The following EP300 variants were observed in gnomAD, a reference collection of about 807,000 sequenced individuals.
The protein encoded by EP300 is EP300 lysine acetyltransferase.
A neutral mutation model predicts 264.0 loss-of-function variants in EP300; 31 were observed. The ratio of observed to expected loss-of-function variants is 0.12; its 90% CI spans 0.09 to 0.16. The LOEUF is 0.16. Among genes scored for constraint, EP300 ranks in the 10% least tolerant of loss-of-function variants. EP300 has a pLI of 1.00. For missense variants in EP300, 2,766 were observed against 3,052.9 expected, an observed-to-expected ratio of 0.91 and a Z score of 2.21; for synonymous variants, 1,340 against 1,045.4, an observed-to-expected ratio of 1.28 and a Z score of -5.44.
In EP300 at chr22:41,092,925, C is replaced by T. The variant is rs2058681190; in HGVS notation, c.-80C>T. 2.0e-6 allele frequency: 3 copies of T among 1,525,294 alleles called. No individual in the cohort carries two copies. The highest frequency in any genetic ancestry group is 2.7e-6 in the Non-Finnish European group (3 of 1,100,384). The allele number at this position is 1,525,294 out of a possible 1,614,324, so 94.5% of individuals were successfully genotyped here. A position where few individuals can be genotyped will look rare whatever the true frequency, so the allele number is the denominator to read the frequency against. On this transcript the variant is annotated 5_prime_UTR_variant, in exon 1 of 31. Transcript: ENST00000263253. ...GAGCCCCCCAGCCCACCCCTGGGTG[C>T]GGCGCGGGGACCCCGGGCCGAAGAA...
At chr22:41,102,762 T>C (rs915178545) in intron 1 of EP300, among the ~76,000 whole-genome samples, 2 of 152,152 alleles carry the variant, frequency 1.3e-5, no homozygotes, top group African/African-American at 2.4e-5. Flanking sequence ...CAGCAGAACT[T>C]GGTGACTGAT....
intron 1 of EP300, 110 bp downstream of exon 1, chr22:41,093,208 T>A: frequency 9.2e-7 from 1 of 1,091,348 alleles, no homozygotes; most frequent in South Asian, 1.4e-5. Flanking sequence ...CCCTGCCCCT[T>A]AATTAATTTT....
intron 6 of EP300, among the ~76,000 whole-genome samples, chr22:41,133,408 C>T (rs989940245): frequency 6.6e-6 from 1 of 152,106 alleles, no homozygotes; most frequent in Non-Finnish European, 1.5e-5. Context: ...GCCTCAACCT[C>T]CCAAAGTGCT....
At chr22:41,132,843 GAT>G (rs2145717281) in intron 6 of EP300, among the ~76,000 whole-genome samples, 1 of 152,142 alleles carries the variant, frequency 6.6e-6, no homozygotes, top group South Asian at 2.1e-4. Context: ...CTAATTTGGG[GAT>G]ATATATGTTT....
chr22:41,120,926 G>T (rs2058848806), intron 2 of EP300, among the ~76,000 whole-genome samples: 1 of 152,064 alleles, frequency 6.6e-6, no homozygotes, highest in Admixed American at 6.6e-5. Flanking sequence ...TGTTGTCTTG[G>T]CATCAAGCAA....
intron 1 of EP300, among the ~76,000 whole-genome samples, chr22:41,100,584 G>A (rs142379236): frequency 6.0e-4 from 91 of 152,258 alleles, no homozygotes; most frequent in African/African-American, 2.1e-3. Context: ...ATCTGTACTG[G>A]ACATGTACAG....
chr22:41,179,092 C>T lies in EP300; in HGVS notation c.*136C>T, dbSNP rs900792978. On this transcript the variant is annotated 3_prime_UTR_variant, in exon 31 of 31. Coordinates refer to ENST00000263253, the MANE Select transcript of EP300 (RefSeq NM_001429.4). ...GGAACACATAAGAACTGTGCAGTAG[C>T]CGTTTGTGGTTTAAAGCAAACATGC... is the stretch of plus-strand genomic sequence containing the variant. 1.0e-6 allele frequency: 1 copy of T among 985,570 alleles called. No homozygotes were observed. The highest frequency in any genetic ancestry group is 2.6e-5 in the East Asian group (1 of 38,850). The allele number at this position is 985,570 out of a possible 1,614,324, so 61.1% of individuals were successfully genotyped here. A position where few individuals can be genotyped will look rare whatever the true frequency, so the allele number is the denominator to read the frequency against.
rs372604824 is a variant in EP300, at chr22:41,176,880, C to T, written c.5169C>T (p.Ala1723=). 54 of 1,614,114 alleles carry T rather than the reference C, an allele frequency of 3.3e-5. No homozygotes were observed. Among genetic ancestry groups the T allele is most frequent in the African/African-American group, 2.0e-4 (15 of 75,040 alleles). ...DDESNNQQAA[A]TQSPGDSRRL... The stretch of plus-strand genomic sequence containing the variant: ...AGAGCAACAACCAGCAGGCTGCAGC[C>T]ACCCAGAGCCCAGGCGATTCTCGCC... Residue 1723 remains alanine (A), a synonymous_variant, in exon 31 of 31, where the codon GCC becomes GCT. Coordinates refer to ENST00000263253, the MANE Select transcript of EP300 (RefSeq NM_001429.4).
rs748298164 is a variant in EP300 at position 41,178,185 on chromosome 22, G to T, written c.6474G>T (p.Met2158Ile). 6.2e-7 allele frequency: 1 copy of T among 1,614,146 alleles called. No homozygotes were observed. Among genetic ancestry groups the T allele is most frequent in the Non-Finnish European group, 8.5e-7 (1 of 1,180,034 alleles). Residue 2158 changes from methionine (M) to isoleucine (I), a missense_variant, in exon 31 of 31, where the codon ATG becomes ATT. By Grantham distance (10) the Met-to-Ile change is conservative (BLOSUM62 1). Transcript: ENST00000263253. ...QQPQQQLQPP[M>I]GGMSPQAQQM... ...CACAGCAGCAACTCCAGCCACCCAT[G>T]GGAGGGATGAGCCCCCAGGCTCAGC...
At chr22:41,148,398 T>C (rs983490924) in intron 12 of EP300, among the ~76,000 whole-genome samples, 1 of 152,192 alleles carries the variant, frequency 6.6e-6, no homozygotes, top group East Asian at 1.9e-4. Flanking sequence ...TTTTGGGGGT[T>C]CCTGAGCATT....
intron 12 of EP300, chr22:41,148,824 G>C: frequency 1.6e-6 from 1 of 608,052 alleles, no homozygotes; most frequent in Non-Finnish European, 2.9e-6. Context: ...AGTAGGCCTA[G>C]GTAAACTGTG....
intron 2 of EP300, among the ~76,000 whole-genome samples, chr22:41,118,151 G>A (rs4822005): frequency 0.61 from 92,540 of 151,960 alleles, 28,766 homozygotes; most frequent in East Asian, 0.81. Flanking sequence ...GCATTACACT[G>A]TCTTCAGATG....
At position 41,176,540 on chromosome 22, in the gene EP300, G is replaced by C. The variant is rs2145514080; in HGVS notation, c.5061+12G>C. 1 of 1,613,574 alleles carries C rather than the reference G, an allele frequency of 6.2e-7. No individual in the cohort carries two copies. The highest frequency in any genetic ancestry group is 1.1e-5 in the South Asian group (1 of 91,054). ...GTACTGTCTGTGAGGTAGGCACCGG[G>C]TTGTGGGAAGGAGGAGGTGAGCTCC... On this transcript the variant is annotated intron_variant, in intron 30 of 30. Coordinates refer to ENST00000263253, the MANE Select transcript of EP300 (RefSeq NM_001429.4).
intron 14 of EP300, 54 bp downstream of exon 14, chr22:41,150,252 T>C: frequency 2.0e-6 from 3 of 1,524,574 alleles, no homozygotes; most frequent in South Asian, 1.2e-5. Context: ...TGTAGTATTA[T>C]ATTACTTCTG....
rs769174401 is a variant in EP300, at chr22:41,176,895, C to T, written c.5184C>T (p.Gly1728=). 3.1e-6 allele frequency: 5 copies of T among 1,613,986 alleles called. No individual in the cohort carries two copies. The South Asian group carries it at 3.3e-5, about 11-fold the overall frequency. The change falls in exon 31 of 31, where the codon GGC becomes GGT. Residue 1728 remains glycine, a synonymous_variant. Coordinates refer to ENST00000263253, the MANE Select transcript of EP300 (RefSeq NM_001429.4). ...NQQAAATQSP[G]DSRRLSIQRC... Reference sequence around the variant, plus strand: ...AGGCTGCAGCCACCCAGAGCCCAGGCGATTCTCGCCGCCTGAGTATCCAGC... The same window carrying T: ...AGGCTGCAGCCACCCAGAGCCCAGGTGATTCTCGCCGCCTGAGTATCCAGC...
intron 1 of EP300, among the ~76,000 whole-genome samples, chr22:41,099,763 TAAAACTC>T (rs2058721083): frequency 6.6e-6 from 1 of 152,208 alleles, no homozygotes; most frequent in African/African-American, 2.4e-5. Flanking sequence ...AAGGGTTACT[TAAAACTC>T]AAGCATTGCC....
chr22:41,131,435 G>T lies in EP300; in HGVS notation c.1330G>T (p.Gly444Trp). The T allele has an allele frequency of 6.2e-7, 1 of 1,614,044 alleles. No individual in the cohort carries two copies. Among genetic ancestry groups the T allele is most frequent in the Non-Finnish European group, 8.5e-7 (1 of 1,180,016 alleles). ...TGGACTTGGAAATCCTAGCTCTCTA[G>T]GGGTGGGTCAACAGTCTGCCCCCAA... ...PVGLGNPSSL[G>W]VGQQSAPNLS... Residue 444 changes from glycine (G) to tryptophan (W), a missense_variant, in exon 6 of 31, where the codon GGG (glycine) becomes TGG (tryptophan). Physicochemically the swap from Gly to Trp is radical, Grantham distance 184. Coordinates refer to ENST00000263253, the MANE Select transcript of EP300 (RefSeq NM_001429.4).
intron 16 of EP300, among the ~76,000 whole-genome samples, chr22:41,153,521 G>A (rs965257124): frequency 5.3e-5 from 8 of 152,106 alleles, no homozygotes; most frequent in African/African-American, 1.4e-4. Flanking sequence ...GAGGCCGAGC[G>A]GGCAGATCAC....
chr22:41,102,671 G>A (rs2058737976), intron 1 of EP300, among the ~76,000 whole-genome samples: 1 of 152,162 alleles, frequency 6.6e-6, no homozygotes. Context: ...GGAGACCAGT[G>A]AAACAGCTGT....
Sources: gnomAD v4.1 joint callset for allele counts (sites outside exome capture counted in the v4.1 genomes callset) on GRCh38, gnomAD v4.1.1 for gene constraint, MANE v1.5 for transcripts, NCBI Gene and HGNC (gene_info 2026-07-23, HGNC 2026-07-21) for gene names.